The following OPHN1 variants were observed in gnomAD, a reference collection of about 807,000 sequenced individuals.
OPHN1 encodes oligophrenin 1, also known as oligophrenin-1.
A neutral mutation model predicts 60.7 loss-of-function variants in OPHN1; 11 were observed. That is an observed-to-expected ratio of 0.18 (90% CI 0.11 to 0.30). OPHN1 has a LOEUF of 0.30. Ranked by LOEUF, OPHN1 falls within the 10% of genes least tolerant of loss-of-function variation. The probability of loss-of-function intolerance (pLI) is 1.00; values close to 1 mark genes in which losing one functional copy is unlikely to be tolerated. For synonymous variants in OPHN1, 226 were observed against 222.6 expected (o/e 1.02, Z -0.14); for missense variants, 449 against 611.0 (o/e 0.73, Z 2.80).
intron 2 of OPHN1, among the ~76,000 whole-genome samples, chrX:68,312,997 G>T (rs889988964): frequency 2.7e-5 from 3 of 110,981 alleles, no homozygotes; most frequent in African/African-American, 9.8e-5. Context: ...CCAGCTACTT[G>T]GGAGGCTAAG....
chrX:68,116,140 C>T (rs1344339480), intron 16 of OPHN1, among the ~76,000 whole-genome samples: 1 of 111,225 alleles, frequency 9.0e-6, no homozygotes, highest in African/African-American at 3.3e-5. Flanking sequence ...TCTCAGATAC[C>T]AGACTTTAGA....
chrX:68,383,006 A>G (rs1156696836), intron 2 of OPHN1, among the ~76,000 whole-genome samples: 1 of 111,066 alleles, frequency 9.0e-6, no homozygotes, highest in African/African-American at 3.3e-5. Flanking sequence ...GGGTCATCAT[A>G]CTAAGGATGG....
At chrX:68,057,828 C>A (rs898981106) in intron 21 of OPHN1, among the ~76,000 whole-genome samples, 1 of 111,306 alleles carries the variant, frequency 9.0e-6, no homozygotes, top group African/African-American at 3.3e-5. Context: ...GTCAAGAAAC[C>A]TGGATTCTAT....
At chrX:68,098,245 G>A (rs749984816) in intron 18 of OPHN1, among the ~76,000 whole-genome samples, 5 of 111,682 alleles carry the variant, frequency 4.5e-5, no homozygotes, top group South Asian at 7.6e-4. Context: ...GCAATTTTCC[G>A]TTTACTTATC....
At position 68,394,056 on chromosome X, in the gene OPHN1, C is replaced by T. The variant is rs796229864; in HGVS notation, c.154+38811G>A. Among the ~76,000 whole-genome samples the T allele has an allele frequency of 8.5e-5, 9 of 106,106 alleles. No individual in the cohort carries two copies. In the South Asian group the frequency reaches 1.8e-3, roughly 21 times the overall value. The allele number at this position is 106,106 out of a possible 115,157, so 92.1% of individuals were successfully genotyped here. A position where few individuals can be genotyped will look rare whatever the true frequency, so the allele number is the denominator to read the frequency against. ...GACTACAGGCGCCCGCTACCACGCCCGGCTAATTTTTTGTATTTTTAGTAG... is the reference window on the plus strand; with the variant it reads ...GACTACAGGCGCCCGCTACCACGCCTGGCTAATTTTTTGTATTTTTAGTAG... On this transcript the variant is annotated intron_variant, in intron 2 of 24. Transcript: ENST00000355520.
chrX:68,200,629 G>A (rs952393773), intron 11 of OPHN1, among the ~76,000 whole-genome samples: 1 of 111,621 alleles, frequency 9.0e-6, no homozygotes, highest in African/African-American at 3.3e-5. Context: ...TTCACAAATC[G>A]AAATTGTGAG....
chrX:68,082,038 C>G (rs1401553868), intron 19 of OPHN1, among the ~76,000 whole-genome samples: 1 of 111,942 alleles, frequency 8.9e-6, no homozygotes, highest in Non-Finnish European at 1.9e-5. Flanking sequence ...GATTCCACCT[C>G]AAGAAACCAT....
At chrX:68,119,857 T>A (rs1424052960) in intron 15 of OPHN1, among the ~76,000 whole-genome samples, 2 of 111,620 alleles carry the variant, frequency 1.8e-5, no homozygotes, top group Non-Finnish European at 3.8e-5. Context: ...GTTTTGATGG[T>A]GAAAAATCCC....
intron 2 of OPHN1, among the ~76,000 whole-genome samples, chrX:68,386,421 T>A (rs1343158338): frequency 8.9e-6 from 1 of 112,124 alleles, no homozygotes; most frequent in African/African-American, 3.2e-5. Context: ...GAAACTACAA[T>A]GAATAAACCT....
rs751434831 is a variant in OPHN1, at chrX:68,086,595, A to T, written c.1686+10275T>A. 4.5e-5 allele frequency among the ~76,000 whole-genome samples: 5 copies of T among 112,342 alleles called. No homozygotes were observed. The South Asian group carries it at 1.9e-3, about 42-fold the overall frequency. On this transcript the variant is annotated intron_variant, in intron 19 of 24. Transcript: ENST00000355520. ...AACCTGGGCTTGAAGGACATGATTG[A>T]ACAACTAGCGCATTAGGGTAACCAC...
In OPHN1 at chrX:68,268,561, C is replaced by A. The variant is rs138235557; in HGVS notation, c.384+6177G>T. On this transcript the variant is annotated intron_variant, in intron 5 of 24. Coordinates refer to ENST00000355520, the MANE Select transcript of OPHN1 (RefSeq NM_002547.3). ...AACAACGCTTCATGCTAAAGACTCT[C>A]AATAAATTAGGCATTGATGGGACGT... Among the ~76,000 whole-genome samples, 533 of 111,688 alleles carry A rather than the reference C, an allele frequency of 4.8e-3. 6 individuals carry two copies. Among genetic ancestry groups the A allele is most frequent in the African/African-American group, 0.017 (514 of 30,750 alleles).
intron 8 of OPHN1, among the ~76,000 whole-genome samples, chrX:68,210,677 T>C (rs1008312594): frequency 1.8e-5 from 2 of 112,035 alleles, no homozygotes; most frequent in Non-Finnish European, 3.8e-5. Flanking sequence ...TGTCTCAAAG[T>C]TACAGCCTAG....
At chrX:68,168,244 T>C (rs1004111341) in intron 15 of OPHN1, among the ~76,000 whole-genome samples, 9 of 110,756 alleles carry the variant, frequency 8.1e-5, no homozygotes, top group African/African-American at 3.0e-4. Context: ...ATTGAACACA[T>C]AGTTGGAAAT....
intron 5 of OPHN1, among the ~76,000 whole-genome samples, chrX:68,255,740 AACACACACAC>A (rs747223446): frequency 9.9e-6 from 1 of 101,132 alleles, no homozygotes; most frequent in Non-Finnish European, 2.0e-5. Flanking sequence ...CACACACACA[AACACACACAC>A]ACACACACAC....
At chrX:68,228,385 G>A (rs2077708475) in intron 6 of OPHN1, among the ~76,000 whole-genome samples, 1 of 110,901 alleles carries the variant, frequency 9.0e-6, no homozygotes, top group South Asian at 3.8e-4. Context: ...AGAAAAAGAG[G>A]GAATCCTCCC....
At chrX:68,406,801 AT>A (rs1481353495) in intron 2 of OPHN1, among the ~76,000 whole-genome samples, 2 of 112,485 alleles carry the variant, frequency 1.8e-5, no homozygotes, top group African/African-American at 6.5e-5. Context: ...AGAGCAAAAT[AT>A]TTTTTAAAAA....
chrX:68,111,920 G>A lies in OPHN1; in HGVS notation c.1460C>T (p.Ser487Phe). The A allele has an allele frequency of 1.7e-6, 2 of 1,205,729 alleles. No homozygotes were observed. Among genetic ancestry groups the A allele is most frequent in the Non-Finnish European group, 2.2e-6 (2 of 890,204 alleles). ...NLDYRLGAIH[S>F]LVYKLPEKNR... is the part of the protein sequence containing the mutation. The stretch of plus-strand genomic sequence containing the variant: ...CTTTTCTGGTAGCTTATATACCAGG[G>A]AGTGAATAGCTCCTAGGCGGTAATC... The change falls in exon 18 of 25, where the codon TCC becomes TTC. Residue 487 changes from serine (S) to phenylalanine (F), a missense_variant. By Grantham distance (155) the Ser-to-Phe change is radical (BLOSUM62 -2). Coordinates refer to ENST00000355520, the MANE Select transcript of OPHN1 (RefSeq NM_002547.3).
chrX:68,219,971 A>C (rs2077643770), intron 6 of OPHN1, among the ~76,000 whole-genome samples: 1 of 86,766 alleles, frequency 1.2e-5, no homozygotes, highest in African/African-American at 4.1e-5. Context: ...AAAACCCTTC[A>C]AAAAATTAAT....
intron 5 of OPHN1, among the ~76,000 whole-genome samples, chrX:68,252,632 A>T (rs2030551811): frequency 8.9e-6 from 1 of 112,323 alleles, no homozygotes; most frequent in Admixed American, 9.5e-5. Flanking sequence ...AGTGTTTCAT[A>T]AGAATAGCAA....
Sources: allele counts gnomAD v4.1 joint callset (sites outside exome capture counted in the v4.1 genomes callset), GRCh38; gene constraint gnomAD v4.1.1; transcripts MANE v1.5; gene names NCBI Gene and HGNC (gene_info 2026-07-23, HGNC 2026-07-21).